The following ERC1 variants were observed in gnomAD, a reference collection of about 807,000 sequenced individuals.
The protein encoded by ERC1 is RAB6 interacting protein 2.
A neutral mutation model predicts 132.0 loss-of-function variants in ERC1; 56 were observed. The ratio of observed to expected loss-of-function variants is 0.42; its 90% CI spans 0.34 to 0.53. The LOEUF (loss-of-function observed/expected upper bound fraction) is 0.53, where lower values mean the gene tolerates loss of function less well. Ranked by LOEUF, ERC1 falls within the 20% of genes least tolerant of loss-of-function variation. ERC1 has a pLI of 0.03. For missense variants in ERC1, 1,202 were observed against 1,349.9 expected (o/e 0.89, Z 1.72); for synonymous variants, 478 against 476.1 (o/e 1.00, Z -0.05).
At chr12:998,434 A>G (rs1961406320) in intron 1 of ERC1, 1 of 152,210 alleles carries the variant, frequency 6.6e-6, no homozygotes, top group Non-Finnish European at 1.5e-5. Context: ...AAGCTCACTC[A>G]TGCGGCAATT....
intron 13 of ERC1, among the ~76,000 whole-genome samples, chr12:1,241,184 C>G (rs2075765833): frequency 6.6e-6 from 1 of 152,156 alleles, no homozygotes; most frequent in Non-Finnish European, 1.5e-5. Context: ...TTCCCTATAG[C>G]CACTTTGGTT....
intron 2 of ERC1, among the ~76,000 whole-genome samples, chr12:1,077,082 C>T (rs1941473758): frequency 6.6e-6 from 1 of 151,986 alleles, no homozygotes; most frequent in African/African-American, 2.4e-5. Context: ...TTATATGTTT[C>T]AGAAAAAAAT....
intron 7 of ERC1, among the ~76,000 whole-genome samples, chr12:1,122,531 C>A (rs375246171): frequency 2.1e-5 from 1 of 48,234 alleles, no homozygotes; most frequent in African/African-American, 8.0e-5. Context: ...CTATCTCTAT[C>A]TCTATCTCTA....
intron 7 of ERC1, among the ~76,000 whole-genome samples, chr12:1,125,505 T>G (rs1263849747): frequency 1.3e-5 from 2 of 152,096 alleles, no homozygotes; most frequent in Non-Finnish European, 1.5e-5. Flanking sequence ...TATATTCTTC[T>G]GCATTTCCAA....
At chr12:1,360,991 A>T (rs1467263267) in intron 15 of ERC1, among the ~76,000 whole-genome samples, 2 of 149,860 alleles carry the variant, frequency 1.3e-5, no homozygotes, top group African/African-American at 4.9e-5. Context: ...GCTACTTGGG[A>T]TGCTGATGTG....
chr12:1,217,911 C>T lies in ERC1; in HGVS notation c.2352-18858C>T, dbSNP rs140721135. Among the ~76,000 whole-genome samples the T allele has an allele frequency of 1.5e-3, 231 of 152,310 alleles. 2 individuals carry two copies. Among genetic ancestry groups the T allele is most frequent in the African/African-American group, 5.1e-3 (212 of 41,572 alleles). ...CCTACACTGCCTCTGCCCTGAGCAG[C>T]TTTATGTTACCGGGCAAGAAGAGTC... On this transcript the variant is annotated intron_variant, in intron 12 of 18. Coordinates refer to ENST00000360905, the MANE Select transcript of ERC1 (RefSeq NM_178040.4).
Position 1,117,917 on chromosome 12 carries a change from T to C in ERC1, c.1569+1884T>C, listed in dbSNP as rs749328775. On this transcript the variant is annotated intron_variant, in intron 7 of 18. Transcript: ENST00000360905. ...TGTTACCTGCAAAGTTATTCATTTATAGCTTTATTTTAAAAATTTTTTGTG... is the reference window on the plus strand; with the variant it reads ...TGTTACCTGCAAAGTTATTCATTTACAGCTTTATTTTAAAAATTTTTTGTG... Among the ~76,000 whole-genome samples the C allele has an allele frequency of 4.1e-4, 63 of 152,322 alleles. 1 individual carries two copies. Among genetic ancestry groups the C allele is most frequent in the Middle Eastern group, 6.8e-3 (2 of 294 alleles).
At chr12:1,340,614 C>T (rs902969393) in intron 15 of ERC1, among the ~76,000 whole-genome samples, 1 of 152,094 alleles carries the variant, frequency 6.6e-6, no homozygotes, top group African/African-American at 2.4e-5. Flanking sequence ...CCCGGTGCAG[C>T]GTTCCCAGCA....
At chr12:1,434,280 TA>T (rs571745987) in intron 17 of ERC1, among the ~76,000 whole-genome samples, 3 of 152,218 alleles carry the variant, frequency 2.0e-5, no homozygotes, top group Non-Finnish European at 4.4e-5. Context: ...TTGTGAGTAC[TA>T]AAAGGTGGCA....
rs190819479 is a variant in ERC1, at chr12:1,412,766, G to A, written c.3024+4519G>A. Among the ~76,000 whole-genome samples the A allele has an allele frequency of 4.6e-5, 7 of 152,290 alleles. No individual in the cohort carries two copies. In the East Asian group the frequency reaches 1.3e-3, roughly 29 times the overall value. ...TAATGCCTACTTCCTAGGATTATTG[G>A]ATAGATTAATAAGTTGATAGCTGTA... On this transcript the variant is annotated intron_variant, in intron 17 of 18. Transcript: ENST00000360905.
At chr12:1,421,942 C>G (rs60145143) in intron 17 of ERC1, among the ~76,000 whole-genome samples, 8,800 of 152,076 alleles carry the variant, frequency 0.058, 363 homozygotes, top group African/African-American at 0.11. Flanking sequence ...AGGAGAATTG[C>G]TTGAACCAGG....
intron 8 of ERC1, among the ~76,000 whole-genome samples, chr12:1,158,991 CCTT>C (rs1396566342): frequency 1.3e-5 from 2 of 152,128 alleles, no homozygotes; most frequent in African/African-American, 2.4e-5. Context: ...GCATATCTCT[CCTT>C]GATAGTACTC....
intron 11 of ERC1, 73 bp from the exon 12 acceptor site, chr12:1,189,786 T>C: frequency 8.5e-7 from 1 of 1,179,386 alleles, no homozygotes; most frequent in Non-Finnish European, 1.2e-6. Context: ...GGAATATAAA[T>C]CATTGTTTGG....
chr12:1,300,064 T>C (rs1389562665), intron 15 of ERC1, among the ~76,000 whole-genome samples: 1 of 152,134 alleles, frequency 6.6e-6, no homozygotes, highest in African/African-American at 2.4e-5. Flanking sequence ...AACTTCAAAC[T>C]ATACTACAGG....
intron 3 of ERC1, among the ~76,000 whole-genome samples, chr12:1,091,477 G>T (rs888914133): frequency 2.0e-5 from 3 of 152,150 alleles, no homozygotes; most frequent in African/African-American, 7.2e-5. Context: ...AGGCTGGAGG[G>T]CAAGAATATA....
chr12:1,326,654 G>T (rs1452744690), intron 15 of ERC1, among the ~76,000 whole-genome samples: 5 of 152,102 alleles, frequency 3.3e-5, no homozygotes, highest in African/African-American at 9.7e-5. Context: ...GTTTTTGAAA[G>T]AAATTGCTTG....
At chr12:1,217,983 C>T (rs933921888) in intron 12 of ERC1, among the ~76,000 whole-genome samples, 16 of 152,172 alleles carry the variant, frequency 1.1e-4, no homozygotes. Context: ...GGCCACAGAT[C>T]TCAAATTGCT....
intron 14 of ERC1, among the ~76,000 whole-genome samples, chr12:1,268,967 T>C (rs141053158): frequency 6.6e-6 from 1 of 152,310 alleles, no homozygotes; most frequent in East Asian, 1.9e-4. Context: ...TGTACAGGTG[T>C]GCACAGTCAG....
chr12:1,026,962 T>C (rs952179485), intron 1 of ERC1, among the ~76,000 whole-genome samples: 2 of 152,216 alleles, frequency 1.3e-5, no homozygotes, highest in East Asian at 1.9e-4. Context: ...GATTTTTCAC[T>C]GGGATTGTGC....
Sources: gnomAD v4.1 joint callset for allele counts (sites outside exome capture counted in the v4.1 genomes callset) on GRCh38, gnomAD v4.1.1 for gene constraint, MANE v1.5 for transcripts, NCBI Gene and HGNC (gene_info 2026-07-23, HGNC 2026-07-21) for gene names.